The following OCIAD1 variants were observed in gnomAD, a reference collection of about 807,000 sequenced individuals.
The protein encoded by OCIAD1 is OCIA domain-containing protein 1.
OCIAD1 carries 29 observed loss-of-function variants against 38.9 expected under a neutral mutation model. The observed-to-expected ratio is 0.74, with a 90% CI of 0.55 to 1.02. The LOEUF (loss-of-function observed/expected upper bound fraction) is 1.02, where lower values mean the gene tolerates loss of function less well. Ranked by LOEUF, OCIAD1 falls within the 50% of genes least tolerant of loss-of-function variation. The pLI, the probability that OCIAD1 is intolerant of heterozygous loss-of-function variation, is 0.00. For synonymous variants in OCIAD1, 110 were observed against 92.0 expected (o/e 1.20, Z -1.12); for missense variants, 288 against 289.6 (o/e 0.99, Z 0.04).
chr4:48,807,884 A>G (rs930269245), intron 1 of OCIAD1, among the ~76,000 whole-genome samples: 1 of 152,230 alleles, frequency 6.6e-6, no homozygotes, highest in Non-Finnish European at 1.5e-5. Context: ...AACTTCATCT[A>G]TGGCCTGATG....
At position 48,825,928 on chromosome 4, in the gene OCIAD1, C is replaced by T. The variant is rs1414924285; in HGVS notation, c.-102-4649C>T. On this transcript the variant is annotated intron_variant, in intron 1 of 6. Transcript: ENST00000504654. The stretch of plus-strand genomic sequence containing the variant: ...TCTTGGCTCACTGCAACCTCCACCT[C>T]CTGGGTTCAAGCAATTCTTCTGCCT... Among the ~76,000 whole-genome samples, 3 of 152,072 alleles carry T rather than the reference C, an allele frequency of 2.0e-5. No individual in the cohort carries two copies. The East Asian group carries it at 5.8e-4, about 29-fold the overall frequency.
At chr4:48,843,747 CTT>C (rs1294843139) in intron 4 of OCIAD1, among the ~76,000 whole-genome samples, 1 of 152,138 alleles carries the variant, frequency 6.6e-6, no homozygotes, top group Non-Finnish European at 1.5e-5. Flanking sequence ...AAAAACCCCA[CTT>C]GAATTACATT....
intron 1 of OCIAD1, among the ~76,000 whole-genome samples, chr4:48,819,736 AAAAAAAAAG>A (rs1355208968): frequency 3.4e-5 from 5 of 146,070 alleles, no homozygotes; most frequent in African/African-American, 1.0e-4. Context: ...AAAAAAAAAA[AAAAAAAAAG>A]GAGGGGTTGC....
chr4:48,817,398 G>A (rs1446689641), intron 1 of OCIAD1, among the ~76,000 whole-genome samples: 5 of 151,638 alleles, frequency 3.3e-5, no homozygotes, highest in Admixed American at 1.3e-4. Flanking sequence ...ACCTGGGACT[G>A]TGCTACCCAG....
chr4:48,838,943 A>G (rs1325018374), intron 3 of OCIAD1, among the ~76,000 whole-genome samples: 4 of 152,186 alleles, frequency 2.6e-5, no homozygotes, highest in African/African-American at 9.7e-5. Flanking sequence ...ACCTAAAATC[A>G]CTATGTCTGT....
At chr4:48,809,395 G>A (rs1029467829) in intron 1 of OCIAD1, among the ~76,000 whole-genome samples, 7 of 151,858 alleles carry the variant, frequency 4.6e-5, no homozygotes, top group African/African-American at 1.7e-4. Flanking sequence ...GCGGTGGTGG[G>A]CGCCAATAAT....
chr4:48,848,710 T>G (rs1779171179), intron 5 of OCIAD1: 1 of 238,750 alleles, frequency 4.2e-6, no homozygotes. Context: ...GGATAAAGTA[T>G]TTGAAAATAA....
intron 8 of OCIAD1, among the ~76,000 whole-genome samples, chr4:48,859,766 T>TA (rs1333211596): frequency 6.6e-6 from 1 of 152,176 alleles, no homozygotes; most frequent in African/African-American, 2.4e-5. Context: ...AAGTGTCACT[T>TA]AAAGTTTTCA....
intron 1 of OCIAD1, among the ~76,000 whole-genome samples, chr4:48,806,454 C>T (rs113606669): frequency 1.1e-4 from 17 of 151,866 alleles, no homozygotes; most frequent in Admixed American, 3.9e-4. Context: ...AACACTCTAC[C>T]TTTTTCTTGA....
intron 1 of OCIAD1, among the ~76,000 whole-genome samples, chr4:48,818,564 G>A (rs1264591430): frequency 2.0e-5 from 3 of 152,292 alleles, no homozygotes; most frequent in South Asian, 4.1e-4. Flanking sequence ...AAAACTGGAC[G>A]GAGAATGAGT....
intron 1 of OCIAD1, among the ~76,000 whole-genome samples, chr4:48,814,178 G>T (rs554040682): frequency 7.0e-4 from 106 of 151,710 alleles, no homozygotes; most frequent in African/African-American, 2.5e-3. Context: ...AGGGACAGAT[G>T]GTTCTCGGTT....
At chr4:48,860,280 A>C (rs1278675099) in intron 8 of OCIAD1, 1 of 153,360 alleles carries the variant, frequency 6.5e-6, no homozygotes, top group Non-Finnish European at 1.4e-5. Context: ...AAAAACGAAA[A>C]TTCAAATGTT....
intron 6 of OCIAD1, among the ~76,000 whole-genome samples, 167 bp from the exon 7 acceptor site, chr4:48,851,634 TCACTG>T (rs1779475863): frequency 6.6e-6 from 1 of 152,018 alleles, no homozygotes; most frequent in Non-Finnish European, 1.5e-5. Flanking sequence ...CAAGACTGCG[TCACTG>T]CACTATAGCC....
intron 1 of OCIAD1, among the ~76,000 whole-genome samples, chr4:48,825,239 G>A (rs1777237600): frequency 6.6e-6 from 1 of 152,192 alleles, no homozygotes; most frequent in African/African-American, 2.4e-5. Flanking sequence ...TGGGGCCCCA[G>A]TCCTGACTCC....
chr4:48,833,166 G>A (rs1478681910), intron 2 of OCIAD1, among the ~76,000 whole-genome samples: 1 of 152,042 alleles, frequency 6.6e-6, no homozygotes, highest in African/African-American at 2.4e-5. Flanking sequence ...CAGGAGAATC[G>A]CTTGAACCCC....
At chr4:48,857,929 G>GT (rs1235118289) in intron 8 of OCIAD1, among the ~76,000 whole-genome samples, 2 of 152,142 alleles carry the variant, frequency 1.3e-5, no homozygotes, top group African/African-American at 4.8e-5. Flanking sequence ...CAAGCTGGGT[G>GT]TATCACTTGA....
intron 7 of OCIAD1, among the ~76,000 whole-genome samples, chr4:48,853,018 T>C (rs1456718866): frequency 1.3e-5 from 2 of 151,760 alleles, no homozygotes; most frequent in Admixed American, 6.6e-5. Context: ...TAGCTGGGAC[T>C]GCAGGTGCCC....
In OCIAD1 at chr4:48,843,742, C is replaced by A. The variant is rs190901184; in HGVS notation, c.193+1053C>A. ...AACAACAACAACAAAACAAAAAAAA[C>A]CCCACTTGAATTACATTCTTTGTAG... On this transcript the variant is annotated intron_variant, in intron 4 of 8. Coordinates refer to ENST00000264312, the MANE Select transcript of OCIAD1 (RefSeq NM_017830.4). 4.7e-4 allele frequency among the ~76,000 whole-genome samples: 72 copies of A among 152,156 alleles called. 1 individual carries two copies. In the East Asian group the frequency reaches 8.5e-3, roughly 18 times the overall value.
intron 1 of OCIAD1, among the ~76,000 whole-genome samples, chr4:48,810,710 T>G (rs1777079034): frequency 6.6e-6 from 1 of 151,958 alleles, no homozygotes; most frequent in Non-Finnish European, 1.5e-5. Flanking sequence ...TGCCTCATGG[T>G]GCTTACCTAG....
Sources: allele counts gnomAD v4.1 joint callset (sites outside exome capture counted in the v4.1 genomes callset), GRCh38; gene constraint gnomAD v4.1.1; transcripts MANE v1.5; gene names NCBI Gene and HGNC (gene_info 2026-07-23, HGNC 2026-07-21).